Variants in CCDC7 observed in about 807,000 individuals in gnomAD.
CCDC7 encodes the protein coiled-coil domain-containing protein 7.
A neutral mutation model predicts 196.9 loss-of-function variants in CCDC7; 183 were observed. The ratio of observed to expected loss-of-function variants is 0.93; its 90% CI spans 0.82 to 1.05. CCDC7 has a LOEUF of 1.05. Ranked by LOEUF, CCDC7 falls within the 50% of genes least tolerant of loss-of-function variation. The pLI is 0.00. For synonymous variants in CCDC7, 525 were observed against 484.6 expected, an observed-to-expected ratio of 1.08 and a Z score of -1.10; for missense variants, 1,540 against 1,482.2, an observed-to-expected ratio of 1.04 and a Z score of -0.64.
intron 33 of CCDC7, among the ~76,000 whole-genome samples, chr10:32,840,553 C>A (rs2092909592): frequency 6.6e-6 from 1 of 151,858 alleles, no homozygotes; most frequent in South Asian, 2.1e-4. Flanking sequence ...AAATGGGATT[C>A]ACGGCTGTAC....
chr10:32,717,355 A>G (rs2081755665), intron 25 of CCDC7, among the ~76,000 whole-genome samples: 1 of 152,174 alleles, frequency 6.6e-6, no homozygotes, highest in Non-Finnish European at 1.5e-5. Context: ...CACAATGTAC[A>G]AGAATCTCTG....
At chr10:32,561,905 A>T (rs2055739241) in intron 13 of CCDC7, among the ~76,000 whole-genome samples, 1 of 152,204 alleles carries the variant, frequency 6.6e-6, no homozygotes, top group South Asian at 2.1e-4. Context: ...GACCACTAGC[A>T]ATATTAATAA....
chr10:32,586,807 G>GTGAT (rs746327872), intron 18 of CCDC7, among the ~76,000 whole-genome samples: 2 of 152,232 alleles, frequency 1.3e-5, no homozygotes, highest in South Asian at 4.1e-4. Context: ...GTCAGGTAGT[G>GTGAT]TGATGCCTCC....
chr10:32,777,625 G>A (rs1189850734), intron 28 of CCDC7, among the ~76,000 whole-genome samples: 1 of 152,136 alleles, frequency 6.6e-6, no homozygotes, highest in Admixed American at 6.6e-5. Flanking sequence ...GGGAGGCCAA[G>A]GTGGGTGGAT....
At chr10:32,751,364 C>T (rs571758508) in intron 28 of CCDC7, among the ~76,000 whole-genome samples, 5 of 151,938 alleles carry the variant, frequency 3.3e-5, no homozygotes, top group South Asian at 4.2e-4. Context: ...TTCTCTGTGT[C>T]GATTTATTTA....
At chr10:32,712,150 T>C (rs1472325672) in intron 25 of CCDC7, among the ~76,000 whole-genome samples, 1 of 152,098 alleles carries the variant, frequency 6.6e-6, no homozygotes, top group East Asian at 1.9e-4. Context: ...AGTAGAAGGA[T>C]TTCCAGGGTA....
At position 32,456,334 on chromosome 10, in the gene CCDC7, T is replaced by C. The variant is rs7897978; in HGVS notation, c.456T>C (p.Asn152=). The change falls in exon 3 of 42, where the codon AAT becomes AAC. Residue 152 remains asparagine, a splice_region_variant and synonymous_variant. Transcript: ENST00000639629. ...AAGAAGCACTTAAAGAAGAACAAAA[T>C]GTATGTATTCTGTATATACTGTCAA... 159,935 of 1,568,370 alleles carry C rather than the reference T, an allele frequency of 0.1. 9,192 individuals carry two copies. The highest frequency in any genetic ancestry group is 0.23 in the African/African-American group (17,039 of 74,466).
At chr10:32,540,845 G>T (rs575752911) in intron 11 of CCDC7, among the ~76,000 whole-genome samples, 13 of 152,148 alleles carry the variant, frequency 8.5e-5, no homozygotes, top group Admixed American at 3.3e-4. Context: ...ACGATTATGT[G>T]TCTTGGGGAT....
In CCDC7 at chr10:32,846,470, T is replaced by C; in HGVS notation, c.3688+11T>C. ...TAAAGAGTCACCAGGGTAAGAAAAA[T>C]AATTTTTGAGTCTAATATTTGTGAC... On this transcript the variant is annotated intron_variant, in intron 37 of 41. Transcript: ENST00000639629. The C allele has an allele frequency of 3.9e-6, 6 of 1,526,512 alleles. No homozygotes were observed. The highest frequency in any genetic ancestry group is 5.4e-6 in the Non-Finnish European group (6 of 1,113,344). The allele number at this position is 1,526,512 out of a possible 1,614,324, so 94.6% of individuals were successfully genotyped here. A position where few individuals can be genotyped will look rare whatever the true frequency, so the allele number is the denominator to read the frequency against.
At chr10:32,853,236 CAA>C (rs1302690197) in intron 40 of CCDC7, among the ~76,000 whole-genome samples, 1 of 151,632 alleles carries the variant, frequency 6.6e-6, no homozygotes, top group African/African-American at 2.4e-5. Flanking sequence ...TTAAAGAAAA[CAA>C]AGAGGAGAAT....
At chr10:32,778,919 G>A (rs2080570631) in intron 28 of CCDC7, 58 bp from the exon 30 acceptor site, 2 of 1,310,220 alleles carry the variant, frequency 1.5e-6, no homozygotes, top group Non-Finnish European at 2.1e-6. Flanking sequence ...ATTGCTAGGT[G>A]TTTCACAAAA....
chr10:32,739,659 T>C (rs1033469040), intron 28 of CCDC7, among the ~76,000 whole-genome samples: 2 of 152,038 alleles, frequency 1.3e-5, no homozygotes, highest in African/African-American at 4.8e-5. Flanking sequence ...ACTATGTTTT[T>C]TTTTTTTACT....
chr10:32,727,343 G>T (rs17296219), intron 26 of CCDC7, among the ~76,000 whole-genome samples: 5,900 of 152,194 alleles, frequency 0.039, 122 homozygotes, highest in Middle Eastern at 0.051. Flanking sequence ...GGTCTTCTTG[G>T]TACCCTTATA....
intron 18 of CCDC7, among the ~76,000 whole-genome samples, chr10:32,606,714 G>T (rs565340155): frequency 6.5e-4 from 99 of 152,304 alleles, no homozygotes; most frequent in South Asian, 1.2e-3. Flanking sequence ...CTCCCTTTAG[G>T]AACAGAAGTC....
chr10:32,625,620 G>C (rs185773601), intron 18 of CCDC7, among the ~76,000 whole-genome samples: 11 of 152,008 alleles, frequency 7.2e-5, no homozygotes, highest in African/African-American at 2.4e-4. Context: ...TAGCAATTTT[G>C]AAATGTACAA....
At chr10:32,507,617 A>C (rs146002753) in intron 9 of CCDC7, among the ~76,000 whole-genome samples, 1 of 152,050 alleles carries the variant, frequency 6.6e-6, no homozygotes, top group East Asian at 1.9e-4. Flanking sequence ...TGCCTGGCTA[A>C]TTTTTGTATT....
intron 28 of CCDC7, among the ~76,000 whole-genome samples, chr10:32,742,152 G>A (rs1243188913): frequency 6.6e-6 from 1 of 151,998 alleles, no homozygotes; most frequent in Admixed American, 6.6e-5. Flanking sequence ...TAATATCTTT[G>A]AGATTAAATA....
intron 29 of CCDC7, among the ~76,000 whole-genome samples, chr10:32,788,275 C>T (rs1006618220): frequency 6.6e-6 from 1 of 152,008 alleles, no homozygotes; most frequent in East Asian, 1.9e-4. Flanking sequence ...TCAGGTCAGC[C>T]CTAGCAGCTC....
intron 8 of CCDC7, among the ~76,000 whole-genome samples, chr10:32,475,129 C>G (rs1367975792): frequency 1.3e-5 from 2 of 152,110 alleles, no homozygotes; most frequent in African/African-American, 4.8e-5. Flanking sequence ...CTCTCAAGAG[C>G]TCTCTCTTTT....
Sources: gnomAD v4.1 joint callset for allele counts (sites outside exome capture counted in the v4.1 genomes callset) on GRCh38, gnomAD v4.1.1 for gene constraint, MANE v1.5 for transcripts, NCBI Gene and HGNC (gene_info 2026-07-23, HGNC 2026-07-21) for gene names.